The following CMIP variants were observed in gnomAD, a reference collection of about 807,000 sequenced individuals.
CMIP encodes the protein c-Maf inducing protein.
In CMIP, 13 loss-of-function variants were observed where a neutral mutation model predicts 97.3. The ratio of observed to expected loss-of-function variants is 0.13; its 90% CI spans 0.09 to 0.21. The LOEUF is 0.21. Among genes scored for constraint, CMIP ranks in the 10% least tolerant of loss-of-function variants. The pLI is 1.00. For missense variants in CMIP, 847 were observed against 1,024.9 expected (o/e 0.83, Z 2.37); for synonymous variants, 538 against 436.3 (o/e 1.23, Z -2.91).
chr16:81,644,118 A>G (rs1176414079), intron 3 of CMIP, among the ~76,000 whole-genome samples: 4 of 152,214 alleles, frequency 2.6e-5, no homozygotes, highest in Admixed American at 2.0e-4. Flanking sequence ...TGCATTTACA[A>G]TATTTCTTTA....
intron 10 of CMIP, among the ~76,000 whole-genome samples, chr16:81,680,512 C>T (rs754463399): frequency 2.0e-5 from 3 of 152,216 alleles, no homozygotes; most frequent in Non-Finnish European, 2.9e-5. Flanking sequence ...GCTTTGGCCC[C>T]GGAGAGGAAA....
At chr16:81,489,964 C>G (rs182047933) in intron 1 of CMIP, among the ~76,000 whole-genome samples, 1 of 152,304 alleles carries the variant, frequency 6.6e-6, no homozygotes, top group Admixed American at 6.5e-5. Context: ...TTCCGGCCAC[C>G]GGGATTCTTG....
intron 1 of CMIP, chr16:81,520,334 ACTTC>A (rs2089995795): frequency 6.6e-6 from 1 of 152,202 alleles, no homozygotes; most frequent in African/African-American, 2.4e-5. Flanking sequence ...ACAGGATCCC[ACTTC>A]TTGAACAATG....
intron 20 of CMIP, among the ~76,000 whole-genome samples, chr16:81,707,950 G>A (rs1054514685): frequency 6.6e-6 from 1 of 152,260 alleles, no homozygotes; most frequent in African/African-American, 2.4e-5. Context: ...CTTGGCCGGG[G>A]CCCACCTCCT....
chr16:81,550,171 C>T (rs990043291), intron 1 of CMIP, among the ~76,000 whole-genome samples: 2 of 152,246 alleles, frequency 1.3e-5, no homozygotes, highest in Non-Finnish European at 2.9e-5. Context: ...TACTGTTCCA[C>T]AGTGGATACA....
At chr16:81,568,901 T>G (rs1172658097) in intron 1 of CMIP, among the ~76,000 whole-genome samples, 1 of 152,164 alleles carries the variant, frequency 6.6e-6, no homozygotes, top group Non-Finnish European at 1.5e-5. Flanking sequence ...GAAGTAGCTG[T>G]GAATCAGTGA....
intron 3 of CMIP, chr16:81,651,240 T>C (rs2092425041): frequency 6.5e-6 from 1 of 154,094 alleles, no homozygotes; most frequent in Non-Finnish European, 1.4e-5. Context: ...GCCGGGTGCA[T>C]GGGGCAGGCA....
chr16:81,642,288 T>G (rs2092315605), intron 3 of CMIP, among the ~76,000 whole-genome samples: 1 of 152,184 alleles, frequency 6.6e-6, no homozygotes, highest in African/African-American at 2.4e-5. Flanking sequence ...CTGGTTTGTC[T>G]CATCTCTGTA....
At chr16:81,570,600 C>T (rs1298599980) in intron 1 of CMIP, among the ~76,000 whole-genome samples, 5 of 152,200 alleles carry the variant, frequency 3.3e-5, no homozygotes, top group African/African-American at 1.2e-4. Context: ...GACTGATCCC[C>T]TTCTTCCTGG....
At chr16:81,684,762 C>G (rs1250050749) in intron 10 of CMIP, among the ~76,000 whole-genome samples, 3 of 152,240 alleles carry the variant, frequency 2.0e-5, no homozygotes, top group African/African-American at 7.2e-5. Flanking sequence ...CAGGATGCAT[C>G]AGGCACCTGC....
chr16:81,692,750 A>G (rs1287327790), intron 11 of CMIP, among the ~76,000 whole-genome samples: 2 of 152,180 alleles, frequency 1.3e-5, no homozygotes, highest in African/African-American at 4.8e-5. Flanking sequence ...GGCTGTGGCA[A>G]CTGTCTTAGA....
At chr16:81,700,464 C>T (rs72831125) in intron 15 of CMIP, 12,471 of 152,940 alleles carry the variant, frequency 0.082, 605 homozygotes, top group Non-Finnish European at 0.11. Flanking sequence ...CCCAAGGGAA[C>T]CAAGGCAGAA....
At position 81,482,027 on chromosome 16, in the gene CMIP, C is replaced by T. The variant is rs113595319; in HGVS notation, c.300+36486C>T. 8.4e-3 allele frequency among the ~76,000 whole-genome samples: 1,278 copies of T among 152,062 alleles called. 21 individuals carry two copies. The highest frequency in any genetic ancestry group is 0.029 in the African/African-American group (1,211 of 41,462). On this transcript the variant is annotated intron_variant, in intron 1 of 20. Transcript: ENST00000537098. The stretch of plus-strand genomic sequence containing the variant: ...CTGAGTAGCTGGGATTATAGGTGTG[C>T]GCCACCACACCTAGCTAATTTTTGT...
rs1419139867 is a variant in CMIP at position 81,652,191 on chromosome 16, T to G, written c.478-12T>G. Reference sequence around the variant, plus strand: ...AGTAACATGTTGCTGTCTCTTTATCTCTTTCAACCAGAAAAAGATTTACAA... The same window carrying G: ...AGTAACATGTTGCTGTCTCTTTATCGCTTTCAACCAGAAAAAGATTTACAA... On this transcript the variant is annotated splice_polypyrimidine_tract_variant and intron_variant, in intron 3 of 20. Transcript: ENST00000537098. The surrounding 1 kb of genome is among the most constrained non-coding windows in gnomAD (Gnocchi z 5.2). 1 of 1,607,252 alleles carries G rather than the reference T, an allele frequency of 6.2e-7. No individual in the cohort carries two copies. The highest frequency in any genetic ancestry group is 8.5e-7 in the Non-Finnish European group (1 of 1,174,464).
chr16:81,636,370 G>A (rs2092235143), intron 3 of CMIP, among the ~76,000 whole-genome samples: 1 of 151,950 alleles, frequency 6.6e-6, no homozygotes, highest in African/African-American at 2.4e-5. Context: ...CTCACCTGAG[G>A]TCAGGAGTTC....
chr16:81,614,405 G>A lies in CMIP; in HGVS notation c.427-6471G>A, dbSNP rs1013004126. Among the ~76,000 whole-genome samples the A allele has an allele frequency of 2.0e-5, 3 of 152,172 alleles. No individual in the cohort carries two copies. Among genetic ancestry groups the A allele is most frequent in the African/African-American group, 7.2e-5 (3 of 41,424 alleles). ...TCAGGGGCTCCCACGCGCGGGCCAC[G>A]GGTCACTTCAGCATGACATCAGCTC... On this transcript the variant is annotated intron_variant, in intron 2 of 20. Transcript: ENST00000537098. This position sits in a 1 kb window ranked among gnomAD's most constrained non-coding sequence, Gnocchi z 5.3.
At chr16:81,528,663 C>G (rs1395685512) in intron 1 of CMIP, among the ~76,000 whole-genome samples, 1 of 152,180 alleles carries the variant, frequency 6.6e-6, no homozygotes, top group Non-Finnish European at 1.5e-5. Flanking sequence ...TGGGGCTTCC[C>G]TCTCTGACTT....
intron 1 of CMIP, among the ~76,000 whole-genome samples, chr16:81,502,646 A>C (rs2089634546): frequency 6.6e-6 from 1 of 152,244 alleles, no homozygotes; most frequent in Non-Finnish European, 1.5e-5. Flanking sequence ...ATGAAGTCAC[A>C]TCCAAGACCT....
At chr16:81,558,437 T>G (rs143701479) in intron 1 of CMIP, among the ~76,000 whole-genome samples, 1 of 152,386 alleles carries the variant, frequency 6.6e-6, no homozygotes, top group East Asian at 1.9e-4. Context: ...GGTTAAGTTT[T>G]TGGGGACCTG....
Sources: gnomAD v4.1 joint callset for allele counts (sites outside exome capture counted in the v4.1 genomes callset) on GRCh38, gnomAD v4.1.1 for gene constraint, Gnocchi (gnomAD v3.1) non-coding constraint, MANE v1.5 for transcripts, NCBI Gene and HGNC (gene_info 2026-07-23, HGNC 2026-07-21) for gene names.